Variants in TAF2 observed in about 807,000 individuals in gnomAD.
The protein encoded by TAF2 is TATA-box binding protein associated factor 2, also known as transcription initiation factor TFIID subunit 2.
Under a neutral mutation model 138.5 loss-of-function variants are expected in TAF2, and 61 were observed. The observed-to-expected ratio is 0.44, with a 90% CI of 0.36 to 0.54. TAF2 has a LOEUF of 0.54. TAF2 is among the 20% of genes least tolerant of loss of function. The pLI is 0.00. For synonymous variants in TAF2, 475 were observed against 469.9 expected (o/e 1.01, Z -0.14); for missense variants, 1,090 against 1,427.9 (o/e 0.76, Z 3.81).
intron 25 of TAF2, among the ~76,000 whole-genome samples, chr8:119,733,789 C>A (rs574101463): frequency 2.0e-5 from 3 of 151,864 alleles, no homozygotes; most frequent in Admixed American, 6.6e-5. Context: ...CGCCCCCCCC[C>A]ATCCTAATCC....
rs1405591330 is a variant in TAF2 at position 119,773,888 on chromosome 8, T to C, written c.2364+4131A>G. On this transcript the variant is annotated intron_variant, in intron 18 of 25. Transcript: ENST00000378164. ...AATTGTCTTATTAAAAATATTGTTC[T>C]TGGCCAGGCGCGATGGCTCACGCCT... Among the ~76,000 whole-genome samples, 3 of 151,686 alleles carry C rather than the reference T, an allele frequency of 2.0e-5. No individual in the cohort carries two copies. In the Admixed American group the frequency reaches 2.0e-4, roughly 10 times the overall value.
At chr8:119,777,979 G>A in intron 18 of TAF2, 40 bp downstream of exon 18, 2 of 1,078,634 alleles carry the variant, frequency 1.9e-6, no homozygotes, top group East Asian at 2.4e-5. Context: ...AATTATCTAA[G>A]ACAACTGTTG....
Position 119,768,018 on chromosome 8 carries a change from A to AG in TAF2, c.2365-5411dup, listed in dbSNP as rs374982836. Among the ~76,000 whole-genome samples the AG allele has an allele frequency of 1.6e-3, 248 of 152,256 alleles. 1 individual carries two copies. Among genetic ancestry groups the AG allele is most frequent in the African/African-American group, 5.6e-3 (234 of 41,546 alleles). On this transcript the variant is annotated intron_variant, in intron 18 of 25. Coordinates refer to ENST00000378164, the MANE Select transcript of TAF2 (RefSeq NM_003184.4). ...CGAAATACACCTCCACTCCTATAAAAGGGAAGTGCAATCGGGCCACGCATC... is the reference window on the plus strand; with the variant it reads ...CGAAATACACCTCCACTCCTATAAAAGGGGAAGTGCAATCGGGCCACGCATC...
At chr8:119,745,128 T>C (rs1380470802) in intron 23 of TAF2, 1 of 422,388 alleles carries the variant, frequency 2.4e-6, no homozygotes, top group Non-Finnish European at 4.7e-6. Flanking sequence ...CCATGCAGAT[T>C]AGAGCATGCC....
intron 23 of TAF2, among the ~76,000 whole-genome samples, chr8:119,745,795 ATGTGTGTGTGTGTGTGTGTGTG>A (rs58444614): frequency 7.5e-4 from 107 of 143,566 alleles, no homozygotes; most frequent in African/African-American, 2.4e-3. Flanking sequence ...AGGCAAACGA[ATGTGTGTGTGTGTGTGTGTGTG>A]TGTGTGTGTG....
chr8:119,801,808 G>T lies in TAF2; in HGVS notation c.778C>A (p.Pro260Thr). The change falls in exon 6 of 26, where the codon CCA (proline) becomes ACA (threonine). Residue 260 changes from proline (P) to threonine (T), a missense_variant. Physicochemically the swap from Pro to Thr is conservative, Grantham distance 38. Coordinates refer to ENST00000378164, the MANE Select transcript of TAF2 (RefSeq NM_003184.4). The stretch of plus-strand genomic sequence containing the variant: ...CTCTGACTTACCTCATGCATGTATG[G>T]ATCTACCAGTATTTCAAATGGTCCA... ...AIGPFEILVD[P>T]YMHEVTHFCL... 6.2e-7 allele frequency: 1 copy of T among 1,613,896 alleles called. No individual in the cohort carries two copies. The highest frequency in any genetic ancestry group is 8.5e-7 in the Non-Finnish European group (1 of 1,179,818).
intron 10 of TAF2, 75 bp from the exon 11 acceptor site, chr8:119,791,534 CAAGAA>C (rs1823431101): frequency 6.6e-7 from 1 of 1,513,890 alleles, no homozygotes; most frequent in Non-Finnish European, 8.9e-7. Context: ...ATGACCACAT[CAAGAA>C]AATACCCAAA....
chr8:119,789,073 A>AG (rs1344307423), intron 12 of TAF2, among the ~76,000 whole-genome samples, 169 bp from the exon 13 acceptor site: 1 of 152,238 alleles, frequency 6.6e-6, no homozygotes, highest in African/African-American at 2.4e-5. Context: ...CTTGTGAAAA[A>AG]TGCTTTCCCA....
At chr8:119,761,873 T>C (rs1421828792) in intron 19 of TAF2, 1 of 152,178 alleles carries the variant, frequency 6.6e-6, no homozygotes, top group Non-Finnish European at 1.5e-5. Flanking sequence ...ACAGGAATAG[T>C]TTTAAGAAAA....
chr8:119,797,900 T>C, intron 6 of TAF2, 54 bp from the exon 7 acceptor site: 2 of 1,549,420 alleles, frequency 1.3e-6, no homozygotes, highest in South Asian at 2.3e-5. Context: ...AATTTAATAT[T>C]GGAAATTTCC....
chr8:119,825,477 A>G (rs2131267673), intron 2 of TAF2, among the ~76,000 whole-genome samples: 1 of 152,286 alleles, frequency 6.6e-6, no homozygotes, highest in African/African-American at 2.4e-5. Context: ...ACTGTTGGGA[A>G]GTCATGATTG....
At chr8:119,814,928 G>A (rs528586160) in intron 3 of TAF2, among the ~76,000 whole-genome samples, 19 of 150,130 alleles carry the variant, frequency 1.3e-4, no homozygotes, top group East Asian at 6.0e-4. Context: ...AAAGTGGGGC[G>A]GGGTGGGGGG....
chr8:119,804,803 T>C (rs751381887), intron 4 of TAF2, among the ~76,000 whole-genome samples: 4 of 152,186 alleles, frequency 2.6e-5, no homozygotes, highest in African/African-American at 4.8e-5. Context: ...CTGGGTGACT[T>C]TGGGGAGTAC....
intron 9 of TAF2, among the ~76,000 whole-genome samples, chr8:119,794,822 T>C (rs1408862169): frequency 6.6e-6 from 1 of 152,190 alleles, no homozygotes; most frequent in Non-Finnish European, 1.5e-5. Flanking sequence ...AATTAACTTT[T>C]TGGCTTACTT....
chr8:119,804,211 T>G (rs1284129614), intron 4 of TAF2, among the ~76,000 whole-genome samples, 192 bp from the exon 5 acceptor site: 1 of 152,130 alleles, frequency 6.6e-6, no homozygotes, highest in Non-Finnish European at 1.5e-5. Context: ...CCCCTATTGG[T>G]TTTCTACCTC....
chr8:119,747,029 C>CAAA lies in TAF2; in HGVS notation c.2879-96_2879-95insTTT, dbSNP rs1820025029. ...CTGAACAACAAAAGGAACTTTATAA[C>CAAA]TGGAAAAACCTTTATCACACCTTTC... On this transcript the variant is annotated intron_variant, in intron 22 of 25. Transcript: ENST00000378164. 1.8e-4 allele frequency: 233 copies of CAAA among 1,271,148 alleles called. 1 individual carries two copies. In the South Asian group the frequency reaches 2.9e-3, roughly 16 times the overall value. 78.7% of individuals were successfully genotyped at this position (1,271,148 alleles called of 1,614,324 possible).
chr8:119,831,629 C>G (rs763896319), intron 2 of TAF2, 48 bp downstream of exon 2: 11 of 1,408,582 alleles, frequency 7.8e-6, no homozygotes, highest in Admixed American at 1.7e-5. Context: ...GATTGTTACT[C>G]TTTATAGTGG....
intron 3 of TAF2, among the ~76,000 whole-genome samples, chr8:119,812,720 TGTGTGTGTG>T: frequency 2.0e-5 from 1 of 51,062 alleles, no homozygotes; most frequent in African/African-American, 6.7e-5. Flanking sequence ...TATTCCATGG[TGTGTGTGTG>T]TGTGTGTGTG....
chr8:119,831,709 T>G lies in TAF2; in HGVS notation c.106A>C (p.Asn36His). 6.2e-7 allele frequency: 1 copy of G among 1,604,538 alleles called. No homozygotes were observed. The highest frequency in any genetic ancestry group is 8.5e-7 in the Non-Finnish European group (1 of 1,173,996). ...YKLTHQVVCI[N>H]NINFQRKSVV... ...GATTTTCTCTGGAAATTTATGTTGT[T>G]GATGCAGACGACCTGATGGGTTGTA... The change falls in exon 2 of 26, where the codon AAC becomes CAC. Residue 36 changes from asparagine to histidine, a missense_variant. This residue lies in a region of TAF2 where 504 missense variants were observed against 680.9 expected (regional missense o/e 0.74). Transcript: ENST00000378164.
Sources: gnomAD v4.1 joint callset for allele counts (sites outside exome capture counted in the v4.1 genomes callset) on GRCh38, gnomAD v4.1.1 for gene constraint, gnomAD v4.1.1 regional missense constraint, MANE v1.5 for transcripts, NCBI Gene and HGNC (gene_info 2026-07-23, HGNC 2026-07-21) for gene names.